The following PCDHGB4 variants were observed in gnomAD, a reference collection of about 807,000 sequenced individuals.
The protein encoded by PCDHGB4 is protocadherin gamma subfamily B, 4, also known as protocadherin gamma-B4.
Under a neutral mutation model 60.5 loss-of-function variants are expected in PCDHGB4, and 38 were observed. The observed-to-expected ratio is 0.63, with a 90% CI of 0.48 to 0.82. PCDHGB4 has a LOEUF of 0.82. Among genes scored for constraint, PCDHGB4 ranks in the 40% least tolerant of loss-of-function variants. The probability of loss-of-function intolerance (pLI) is 0.00; values close to 1 mark genes in which losing one functional copy is unlikely to be tolerated. For missense variants in PCDHGB4, 1,109 were observed against 1,209.6 expected (o/e 0.92, Z 1.23); for synonymous variants, 456 against 509.7 (o/e 0.89, Z 1.42).
chr5:141,497,540 CTTT>C (rs754207034), intron 2 of PCDHGB4, among the ~76,000 whole-genome samples: 11 of 134,886 alleles, frequency 8.2e-5, no homozygotes, highest in African/African-American at 1.9e-4. Context: ...TGCAACAAAC[CTTT>C]TTTTTTTTTT....
Position 141,511,617 on chromosome 5 carries a change from C to T in PCDHGB4, c.*444C>T, listed in dbSNP as rs1562253545. The T allele has an allele frequency of 4.3e-6, 1 of 233,232 alleles. No homozygotes were observed. Among genetic ancestry groups the T allele is most frequent in the African/African-American group, 2.2e-5 (1 of 45,220 alleles). The allele number at this position is 233,232 out of a possible 1,614,324, so 14.4% of individuals were successfully genotyped here. A position where few individuals can be genotyped will look rare whatever the true frequency, so the allele number is the denominator to read the frequency against. Reference sequence around the variant, plus strand: ...CAAGTAACCTACAAGCCTCCTAGTTCTGAAAAGTTGGAAGGGCATCATGAC... The same window carrying T: ...CAAGTAACCTACAAGCCTCCTAGTTTTGAAAAGTTGGAAGGGCATCATGAC... On this transcript the variant is annotated 3_prime_UTR_variant, in exon 4 of 4. Coordinates refer to ENST00000519479, the MANE Select transcript of PCDHGB4 (RefSeq NM_003736.4).
chr5:141,485,192 A>T lies in PCDHGB4; in HGVS notation c.2398-9615A>T. 1.2e-6 allele frequency: 2 copies of T among 1,613,942 alleles called. No individual in the cohort carries two copies. Among genetic ancestry groups the T allele is most frequent in the African/African-American group, 2.7e-5 (2 of 75,048 alleles). On this transcript the variant is annotated intron_variant, in intron 1 of 3. Transcript: ENST00000519479. The surrounding 1 kb of genome is among the most constrained non-coding windows in gnomAD (Gnocchi z 5.7). ...GGCAGCAATGCTCCGCAAGGTGAGA[A>T]GCTGGACAGAAATCTGGCGGTGGGC... is the stretch of plus-strand genomic sequence containing the variant.
chr5:141,491,908 G>A lies in PCDHGB4; in HGVS notation c.2398-2899G>A. ...GGGGCTCCGAGCACCGGGGGTGGTG[G>A]CGACTGTGGGCGAGGGGAGGTGGGA... On this transcript the variant is annotated intron_variant, in intron 1 of 3. Transcript: ENST00000519479. The surrounding 1 kb of genome is among the most constrained non-coding windows in gnomAD (Gnocchi z 6.9). The A allele has an allele frequency of 7.1e-7, 1 of 1,408,288 alleles. No individual in the cohort carries two copies. Among genetic ancestry groups the A allele is most frequent in the East Asian group, 2.5e-5 (1 of 39,276 alleles). The allele number at this position is 1,408,288 out of a possible 1,614,324, so 87.2% of individuals were successfully genotyped here. A position where few individuals can be genotyped will look rare whatever the true frequency, so the allele number is the denominator to read the frequency against.
chr5:141,445,305 T>C (rs899306819), intron 1 of PCDHGB4, among the ~76,000 whole-genome samples: 2 of 152,204 alleles, frequency 1.3e-5, no homozygotes, highest in Non-Finnish European at 1.5e-5. Context: ...TCTCTTCAGT[T>C]TGTAGGTTGA....
At chr5:141,399,372 T>C (rs1333971188) in intron 1 of PCDHGB4, 8 of 1,613,970 alleles carry the variant, frequency 5.0e-6, no homozygotes, top group Non-Finnish European at 6.8e-6. Flanking sequence ...CGGAGTACAA[T>C]GTCACCATCA....
In PCDHGB4 at chr5:141,486,030, C is replaced by T. The variant is rs2099623234; in HGVS notation, c.2398-8777C>T. 2 of 1,614,046 alleles carry T rather than the reference C, an allele frequency of 1.2e-6. No homozygotes were observed. Among genetic ancestry groups the T allele is most frequent in the African/African-American group, 1.3e-5 (1 of 74,918 alleles). On this transcript the variant is annotated intron_variant, in intron 1 of 3. Coordinates refer to ENST00000519479, the MANE Select transcript of PCDHGB4 (RefSeq NM_003736.4). This position sits in a 1 kb window ranked among gnomAD's most constrained non-coding sequence, Gnocchi z 5.0. ...ACCTTTTATTTCAGTGGTCATACCC[C>T]TGATCGTGTAAGAAACCTCTTTAGC...
chr5:141,451,314 G>A (rs1286009420), intron 1 of PCDHGB4, among the ~76,000 whole-genome samples: 1 of 152,218 alleles, frequency 6.6e-6, no homozygotes, highest in Non-Finnish European at 1.5e-5. Context: ...AGCAATTAAA[G>A]TGTCACCTAA....
In PCDHGB4 at chr5:141,431,777, G is replaced by T. The variant is rs151011884; in HGVS notation, c.2397+41496G>T. 5,401 of 1,614,186 alleles carry T rather than the reference G, an allele frequency of 3.3e-3. 6 individuals are homozygous for T. Among genetic ancestry groups the T allele is most frequent in the Non-Finnish European group, 4.2e-3 (4,899 of 1,180,002 alleles). On this transcript the variant is annotated intron_variant, in intron 1 of 3. Coordinates refer to ENST00000519479, the MANE Select transcript of PCDHGB4 (RefSeq NM_003736.4). The surrounding 1 kb of genome is among the most constrained non-coding windows in gnomAD (Gnocchi z 4.8). ...CAAAGTCCTGATCACTGTTCTGGAC[G>T]TGAACGACAATGCCCCAGAAGTGGT...
intron 1 of PCDHGB4, chr5:141,391,631 G>C (rs913626630): frequency 6.6e-6 from 1 of 152,170 alleles, no homozygotes; most frequent in African/African-American, 2.4e-5. Flanking sequence ...GAAAGTTTTA[G>C]TCAGTGAAAA....
At position 141,487,688 on chromosome 5, in the gene PCDHGB4, G is replaced by A. The variant is rs376927186; in HGVS notation, c.2398-7119G>A. On this transcript the variant is annotated intron_variant, in intron 1 of 3. Coordinates refer to ENST00000519479, the MANE Select transcript of PCDHGB4 (RefSeq NM_003736.4). The surrounding 1 kb of genome is among the most constrained non-coding windows in gnomAD (Gnocchi z 5.0). ...AGGCATATGGCTAGGCCATGTCCTA[G>A]AGAGTACTGGCCTCTCAGTAAGTGC... 6.2e-7 allele frequency: 1 copy of A among 1,604,966 alleles called. No homozygotes were observed.
Position 141,395,354 on chromosome 5 carries a change from T to A in PCDHGB4, c.2397+5073T>A, listed in dbSNP as rs375237289. ...ATAATTTTTAAGGTGTATCACAGAG[T>A]TTTGGGTTTATTTTGGTGGTGTTAC... On this transcript the variant is annotated intron_variant, in intron 1 of 3. Coordinates refer to ENST00000519479, the MANE Select transcript of PCDHGB4 (RefSeq NM_003736.4). 28 of 1,357,052 alleles carry A rather than the reference T, an allele frequency of 2.1e-5. No homozygotes were observed. The Middle Eastern group carries it at 1.0e-3, about 51-fold the overall frequency. 84.1% of individuals were successfully genotyped at this position (1,357,052 alleles called of 1,614,324 possible).
intron 1 of PCDHGB4, chr5:141,420,193 A>G: frequency 6.2e-7 from 1 of 1,613,766 alleles, no homozygotes; most frequent in South Asian, 1.1e-5. Context: ...CAGCCACACA[A>G]GATAACCTCA....
rs1232672788 is a variant in PCDHGB4, at chr5:141,431,315, G to A, written c.2397+41034G>A. The A allele has an allele frequency of 6.2e-7, 1 of 1,614,080 alleles. No individual in the cohort carries two copies. Among genetic ancestry groups the A allele is most frequent in the South Asian group, 1.1e-5 (1 of 91,078 alleles). On this transcript the variant is annotated intron_variant, in intron 1 of 3. Coordinates refer to ENST00000519479, the MANE Select transcript of PCDHGB4 (RefSeq NM_003736.4). The surrounding 1 kb of genome is among the most constrained non-coding windows in gnomAD (Gnocchi z 4.8). ...CTTCTCCCTCATCGTGCAAAATGGAGCCGACGGTAGTAAGTACCCCGAATT... is the reference window on the plus strand; with the variant it reads ...CTTCTCCCTCATCGTGCAAAATGGAACCGACGGTAGTAAGTACCCCGAATT...
intron 1 of PCDHGB4, chr5:141,403,051 C>T (rs1273209859): frequency 3.7e-6 from 6 of 1,614,086 alleles, no homozygotes; most frequent in Admixed American, 1.7e-5. Context: ...AGATTCGCTA[C>T]TCAGTGCCTG....
At chr5:141,424,717 T>G (rs914445969) in intron 1 of PCDHGB4, 1 of 152,202 alleles carries the variant, frequency 6.6e-6, no homozygotes, top group Non-Finnish European at 1.5e-5. Context: ...TCAGTGTAGT[T>G]GGGAGTCATA....
chr5:141,401,819 G>A (rs2094196222), intron 1 of PCDHGB4, among the ~76,000 whole-genome samples: 3 of 152,280 alleles, frequency 2.0e-5, no homozygotes, highest in Middle Eastern at 3.4e-3. Flanking sequence ...TCCTTACAAA[G>A]TGCTGAGATT....
chr5:141,436,185 A>G (rs1324749623), intron 1 of PCDHGB4, among the ~76,000 whole-genome samples: 1 of 152,142 alleles, frequency 6.6e-6, no homozygotes, highest in Non-Finnish European at 1.5e-5. Flanking sequence ...ATATAGTCAA[A>G]TAGAAAGAAA....
At position 141,489,063 on chromosome 5, in the gene PCDHGB4, C is replaced by A; in HGVS notation, c.2398-5744C>A. ...CTCCACTCAAATTCAGCTCCCCTCC[C>A]CCCTGCCCACCCCCGCCACTCGGTG... On this transcript the variant is annotated intron_variant, in intron 1 of 3. Coordinates refer to ENST00000519479, the MANE Select transcript of PCDHGB4 (RefSeq NM_003736.4). This position sits in a 1 kb window ranked among gnomAD's most constrained non-coding sequence, Gnocchi z 4.5. 2.6e-6 allele frequency: 1 copy of A among 384,986 alleles called. No individual in the cohort carries two copies. Among genetic ancestry groups the A allele is most frequent in the East Asian group, 4.5e-5 (1 of 22,374 alleles). 23.8% of individuals were successfully genotyped at this position (384,986 alleles called of 1,614,324 possible). A position where few individuals can be genotyped will look rare whatever the true frequency, so the allele number is the denominator to read the frequency against.
At chr5:141,415,772 T>TTTTTTA in intron 1 of PCDHGB4, 1 of 1,332,986 alleles carries the variant, frequency 7.5e-7, no homozygotes, top group Non-Finnish European at 9.6e-7. Flanking sequence ...TTTTTTTTTT[T>TTTTTTA]ACTTTCTGGT....
Sources: allele counts gnomAD v4.1 joint callset (sites outside exome capture counted in the v4.1 genomes callset), GRCh38; gene constraint gnomAD v4.1.1; non-coding constraint Gnocchi (gnomAD v3.1); transcripts MANE v1.5; gene names NCBI Gene and HGNC (gene_info 2026-07-23, HGNC 2026-07-21).